The following WWP2 variants were observed in gnomAD, a reference collection of about 807,000 sequenced individuals.
WWP2 encodes NEDD4-like E3 ubiquitin-protein ligase WWP2.
In WWP2, 57 loss-of-function variants were observed where a neutral mutation model predicts 121.0. The ratio of observed to expected loss-of-function variants is 0.47; its 90% CI spans 0.38 to 0.59. WWP2 has a LOEUF of 0.59. Among genes scored for constraint, WWP2 ranks in the 20% least tolerant of loss-of-function variants. The probability of loss-of-function intolerance (pLI) is 0.00; values close to 1 mark genes in which losing one functional copy is unlikely to be tolerated. For synonymous variants in WWP2, 449 were observed against 441.3 expected, an observed-to-expected ratio of 1.02 and a Z score of -0.22; for missense variants, 962 against 1,158.9, an observed-to-expected ratio of 0.83 and a Z score of 2.47.
chr16:69,870,721 C>T (rs547602002), intron 6 of WWP2, among the ~76,000 whole-genome samples: 17 of 152,292 alleles, frequency 1.1e-4, no homozygotes, highest in Admixed American at 9.1e-4. Context: ...TTTGAAACAT[C>T]TCACAGTTGC....
intron 1 of WWP2, among the ~76,000 whole-genome samples, chr16:69,767,430 G>A (rs2038756273): frequency 6.6e-6 from 1 of 152,176 alleles, no homozygotes; most frequent in African/African-American, 2.4e-5. Flanking sequence ...TCATTAGTGA[G>A]ATGGGTGGAG....
intron 4 of WWP2, chr16:69,838,773 A>G: frequency 1.0e-6 from 1 of 985,536 alleles, no homozygotes; most frequent in Non-Finnish European, 1.2e-6. Context: ...CAAGGCCCTC[A>G]GTGGAACTGG....
rs2057957802 is a variant in WWP2, at chr16:69,888,128, C to T, written c.793C>T (p.Pro265Ser). ...ACCTGCTGCACCCTTGAGTGTGACC[C>T]CGAATCCCAACACGACTTCTCTCCC... ...SPPAAPLSVTPNPNTTSLPAP... is the reference protein window; with the variant it reads ...SPPAAPLSVTSNPNTTSLPAP... The change falls in exon 8 of 24, where the codon CCG becomes TCG. Residue 265 changes from proline (P) to serine (S), a missense_variant. Physicochemically the swap from Pro to Ser is moderately conservative, Grantham distance 74. This residue lies in a region of WWP2 where 211 missense variants were observed against 196.5 expected (regional missense o/e 1.07). Transcript: ENST00000359154. The T allele has an allele frequency of 1.2e-6, 2 of 1,614,076 alleles. No individual in the cohort carries two copies. Among genetic ancestry groups the T allele is most frequent in the African/African-American group, 2.7e-5 (2 of 74,908 alleles).
intron 8 of WWP2, among the ~76,000 whole-genome samples, chr16:69,900,553 TGCTCTGTCACCCAG>T: frequency 6.6e-6 from 1 of 152,156 alleles, no homozygotes; most frequent in East Asian, 1.9e-4. Flanking sequence ...GACAGAGTCT[TGCTCTGTCACCCAG>T]GCTGGAGTGC....
chr16:69,782,443 T>A (rs1457434502), intron 1 of WWP2, among the ~76,000 whole-genome samples: 1 of 152,040 alleles, frequency 6.6e-6, no homozygotes, highest in Non-Finnish European at 1.5e-5. Context: ...AGGACTGGTA[T>A]CCCCAGAGCT....
chr16:69,814,683 T>A (rs2056456577), intron 4 of WWP2, among the ~76,000 whole-genome samples: 1 of 152,218 alleles, frequency 6.6e-6, no homozygotes, highest in African/African-American at 2.4e-5. Flanking sequence ...AGAGGGTTAT[T>A]ACAGCACTTT....
chr16:69,828,990 A>G (rs2056750714), intron 4 of WWP2, among the ~76,000 whole-genome samples: 1 of 152,048 alleles, frequency 6.6e-6, no homozygotes, highest in African/African-American at 2.4e-5. Context: ...AACATGTGCA[A>G]GTCACCTCCT....
intron 6 of WWP2, among the ~76,000 whole-genome samples, chr16:69,867,550 G>A (rs779723914): frequency 5.9e-5 from 9 of 152,142 alleles, no homozygotes; most frequent in Non-Finnish European, 8.8e-5. Context: ...GACCATCAAA[G>A]CTTAAATGCC....
At chr16:69,923,078 C>A (rs902442346) in intron 10 of WWP2, among the ~76,000 whole-genome samples, 1 of 152,036 alleles carries the variant, frequency 6.6e-6, no homozygotes, top group African/African-American at 2.4e-5. Flanking sequence ...TCAGTAGAGA[C>A]AGGGTTTCCC....
intron 8 of WWP2, among the ~76,000 whole-genome samples, chr16:69,891,877 T>G (rs1269412322): frequency 6.6e-6 from 1 of 152,194 alleles, no homozygotes; most frequent in Non-Finnish European, 1.5e-5. Context: ...AAGTCATACA[T>G]CTTTCCCCTG....
At chr16:69,859,720 GC>G (rs2151900660) in intron 6 of WWP2, among the ~76,000 whole-genome samples, 1 of 151,858 alleles carries the variant, frequency 6.6e-6, no homozygotes, top group East Asian at 1.9e-4. Flanking sequence ...TTCTCACGGT[GC>G]CCCCTCCACC....
intron 2 of WWP2, among the ~76,000 whole-genome samples, chr16:69,794,562 C>T (rs2055986723): frequency 6.6e-6 from 1 of 152,102 alleles, no homozygotes; most frequent in African/African-American, 2.4e-5. Flanking sequence ...TAAATTTCTC[C>T]CAAAATTAGC....
intron 6 of WWP2, among the ~76,000 whole-genome samples, chr16:69,865,917 A>G (rs1303408578): frequency 6.6e-6 from 1 of 152,198 alleles, no homozygotes; most frequent in Non-Finnish European, 1.5e-5. Flanking sequence ...ACAAAAGGGA[A>G]GGCAGCGTGA....
chr16:69,856,049 A>G (rs2057305287), intron 6 of WWP2, among the ~76,000 whole-genome samples: 3 of 152,146 alleles, frequency 2.0e-5, no homozygotes, highest in Non-Finnish European at 4.4e-5. Flanking sequence ...AGCTGGGAGG[A>G]TTGCTTGAGT....
intron 4 of WWP2, among the ~76,000 whole-genome samples, chr16:69,820,825 T>TACACACACACAC (rs34214656): frequency 0.024 from 3,461 of 144,152 alleles, 49 homozygotes; most frequent in Non-Finnish European, 0.036. Flanking sequence ...TACATGCATA[T>TACACACACACAC]ACACACACAC....
At position 69,940,951 on chromosome 16, in the gene WWP2, A is replaced by C. The variant is rs1292289168; in HGVS notation, c.*1011A>C. 2 of 152,508 alleles carry C rather than the reference A, an allele frequency of 1.3e-5. No homozygotes were observed. The highest frequency in any genetic ancestry group is 3.0e-5 in the Non-Finnish European group (2 of 67,776). 9.4% of individuals were successfully genotyped at this position (152,508 alleles called of 1,614,324 possible). ...AGATAGGGTCCCCCAGGCAGTCCCC[A>C]GTGGCGGGACACAGGGGTCCGGCTG... On this transcript the variant is annotated 3_prime_UTR_variant, in exon 24 of 24. Transcript: ENST00000359154.
intron 4 of WWP2, among the ~76,000 whole-genome samples, chr16:69,826,280 AAAGT>A (rs1434231005): frequency 3.3e-5 from 5 of 151,004 alleles, no homozygotes; most frequent in Non-Finnish European, 7.4e-5. Flanking sequence ...AAAAAAAAAA[AAAGT>A]AGACCAGGCG....
In WWP2 at chr16:69,820,521, G is replaced by T. The variant is rs552644025; in HGVS notation, c.341-19605G>T. The stretch of plus-strand genomic sequence containing the variant: ...AGCCTCCCAAAGTGTTGGGATTACA[G>T]GCGTGAGCCACCGCTCTTGGCCCCC... On this transcript the variant is annotated intron_variant, in intron 4 of 23. Transcript: ENST00000359154. 2.9e-5 allele frequency among the ~76,000 whole-genome samples: 3 copies of T among 102,674 alleles called. 1 individual carries two copies. In the South Asian group the frequency reaches 1.2e-3, roughly 43 times the overall value. The allele number at this position is 102,674 out of a possible 152,430, so 67.4% of individuals were successfully genotyped here. A position where few individuals can be genotyped will look rare whatever the true frequency, so the allele number is the denominator to read the frequency against.
At chr16:69,786,858 A>C (rs2055803958) in intron 1 of WWP2, 138 bp from the exon 2 acceptor site, 1 of 664,158 alleles carries the variant, frequency 1.5e-6, no homozygotes, top group Non-Finnish European at 2.5e-6. Context: ...TTATAAGACA[A>C]ACTATACCCT....
Sources: allele counts gnomAD v4.1 joint callset (sites outside exome capture counted in the v4.1 genomes callset), GRCh38; gene constraint gnomAD v4.1.1; regional missense constraint gnomAD v4.1.1; transcripts MANE v1.5; gene names NCBI Gene and HGNC (gene_info 2026-07-23, HGNC 2026-07-21).